HEPHL1: variants seen among roughly 807,000 people sequenced by gnomAD.
HEPHL1 encodes hephaestin like 1.
HEPHL1 carries 123 observed loss-of-function variants against 122.0 expected under a neutral mutation model. The ratio of observed to expected loss-of-function variants is 1.01; its 90% CI spans 0.87 to 1.17. The LOEUF (loss-of-function observed/expected upper bound fraction) is 1.17, where lower values mean the gene tolerates loss of function less well. HEPHL1 is among the 50% of genes most tolerant of loss of function. HEPHL1 has a pLI of 0.00. For missense variants in HEPHL1, 1,452 were observed against 1,430.5 expected, an observed-to-expected ratio of 1.01 and a Z score of -0.24; for synonymous variants, 527 against 508.9, an observed-to-expected ratio of 1.04 and a Z score of -0.48.
chr11:94,104,615 G>C lies in HEPHL1; in HGVS notation c.2770G>C (p.Glu924Gln). Reference sequence around the variant, plus strand: ...GGGAAGAAGAAGTGACGTTGATTATGAATTTGCTCTCTTGTTTTTGGTATT... The same window carrying C: ...GGGAAGAAGAAGTGACGTTGATTATCAATTTGCTCTCTTGTTTTTGGTATT... ...EKGRRSDVDYEFALLFLVFNE... is the reference protein window; with the variant it reads ...EKGRRSDVDYQFALLFLVFNE... The change falls in exon 16 of 20, where the codon GAA (glutamate) becomes CAA (glutamine). Residue 924 changes from glutamate (E) to glutamine (Q), a missense_variant. By Grantham distance (29) the Glu-to-Gln change is conservative (BLOSUM62 2). Transcript: ENST00000315765. 3 of 1,613,896 alleles carry C rather than the reference G, an allele frequency of 1.9e-6. No individual in the cohort carries two copies. The highest frequency in any genetic ancestry group is 2.5e-6 in the Non-Finnish European group (3 of 1,179,806).
Position 94,072,880 on chromosome 11 carries a change from TG to T in HEPHL1, c.1233-142del. 4.4e-6 allele frequency: 3 copies of T among 689,584 alleles called. No individual in the cohort carries two copies. In the South Asian group the frequency reaches 6.1e-5, roughly 14 times the overall value. The allele number at this position is 689,584 out of a possible 1,614,324, so 42.7% of individuals were successfully genotyped here. ...ACTTTTAGGGCTGGTTAACTATTCC[TG>T]GGAACTCTGTCAAGGCCTGTGCTGT... On this transcript the variant is annotated intron_variant, in intron 6 of 19. Coordinates refer to ENST00000315765, the MANE Select transcript of HEPHL1 (RefSeq NM_001098672.2).
chr11:94,067,778 A>T, intron 5 of HEPHL1, 28 bp downstream of exon 5: 3 of 1,607,878 alleles, frequency 1.9e-6, no homozygotes, highest in Non-Finnish European at 2.6e-6. Flanking sequence ...CAGAGTTGAT[A>T]TGTTTAGAAT....
At chr11:94,104,852 T>A in intron 16 of HEPHL1, 102 bp downstream of exon 16, 1 of 887,504 alleles carries the variant, frequency 1.1e-6, no homozygotes, top group Non-Finnish European at 1.8e-6. Context: ...CTTTCCTCCT[T>A]CCCAGGGGCA....
intron 1 of HEPHL1, among the ~76,000 whole-genome samples, chr11:94,029,832 C>G (rs916630225): frequency 6.6e-6 from 1 of 152,216 alleles, no homozygotes; most frequent in South Asian, 2.1e-4. Context: ...TTCACTGCCC[C>G]TCCTGATACT....
chr11:94,054,277 T>C (rs145441220), intron 2 of HEPHL1, among the ~76,000 whole-genome samples: 27 of 152,292 alleles, frequency 1.8e-4, no homozygotes, highest in African/African-American at 4.6e-4. Context: ...TGGAATTCCA[T>C]TGGATATTTG....
chr11:94,045,780 A>G lies in HEPHL1; in HGVS notation c.278A>G (p.Lys93Arg), dbSNP rs1325050063. 4 of 1,613,948 alleles carry G rather than the reference A, an allele frequency of 2.5e-6. No homozygotes were observed. The African/African-American group carries it at 4.0e-5, about 16-fold the overall frequency. Residue 93 changes from lysine (K) to arginine (R), a missense_variant, in exon 2 of 20, where the codon AAA (lysine) becomes AGA (arginine). Lys to Arg is a conservative substitution (Grantham distance 26, BLOSUM62 2). Coordinates refer to ENST00000315765, the MANE Select transcript of HEPHL1 (RefSeq NM_001098672.2). The stretch of plus-strand genomic sequence containing the variant: ...GGAACCTACTCCATAGAGATCCCCA[A>G]ACCTCCCTGGCTTGGATTCCTGGGC... ...TDGTYSIEIP[K>R]PPWLGFLGPI...
In HEPHL1 at chr11:94,111,102, C is replaced by T. The variant is rs370000226; in HGVS notation, c.3208+37C>T. Reference sequence around the variant, plus strand: ...TGTCAGTGATGCCAGATGATGGCACCGAGCTTCCTGTAGACCCCCAAAACA... The same window carrying T: ...TGTCAGTGATGCCAGATGATGGCACTGAGCTTCCTGTAGACCCCCAAAACA... On this transcript the variant is annotated intron_variant, in intron 18 of 19. Coordinates refer to ENST00000315765, the MANE Select transcript of HEPHL1 (RefSeq NM_001098672.2). 86 of 1,525,416 alleles carry T rather than the reference C, an allele frequency of 5.6e-5. No homozygotes were observed. In the Admixed American group the frequency reaches 7.6e-4, roughly 13 times the overall value. 94.5% of individuals were successfully genotyped at this position (1,525,416 alleles called of 1,614,324 possible).
rs368653204 is a variant in HEPHL1 at position 94,034,055 on chromosome 11, C to A, written c.171-11618C>A. ...AAATGCTGAAAGGACATGGTGTGTA[C>A]CAAGAAGAGAGTGTCTGATCTGGCA... is the stretch of plus-strand genomic sequence containing the variant. On this transcript the variant is annotated intron_variant, in intron 1 of 19. Transcript: ENST00000315765. Among the ~76,000 whole-genome samples the A allele has an allele frequency of 2.0e-5, 3 of 152,176 alleles. No homozygotes were observed. In the East Asian group the frequency reaches 5.8e-4, roughly 29 times the overall value.
intron 2 of HEPHL1, among the ~76,000 whole-genome samples, chr11:94,054,513 A>G (rs1945919028): frequency 6.6e-6 from 1 of 152,238 alleles, no homozygotes; most frequent in African/African-American, 2.4e-5. Flanking sequence ...AGTAAGAGAC[A>G]GACCACTTTC....
intron 1 of HEPHL1, among the ~76,000 whole-genome samples, chr11:94,037,372 T>TC (rs1489763793): frequency 1.3e-5 from 2 of 151,712 alleles, no homozygotes; most frequent in East Asian, 3.9e-4. Flanking sequence ...CCACCACAGC[T>TC]CAAGGAGGCC....
intron 2 of HEPHL1, among the ~76,000 whole-genome samples, chr11:94,056,126 C>T (rs1260655163): frequency 6.6e-6 from 1 of 152,112 alleles, no homozygotes; most frequent in Non-Finnish European, 1.5e-5. Context: ...TTTATCGCGA[C>T]AAAATATCTT....
At chr11:94,027,689 T>A (rs1401605321) in intron 1 of HEPHL1, among the ~76,000 whole-genome samples, 1 of 152,170 alleles carries the variant, frequency 6.6e-6, no homozygotes, top group Non-Finnish European at 1.5e-5. Context: ...AACCAGCAAG[T>A]GAGAGAGTTG....
At chr11:94,085,799 T>C (rs1393741676) in intron 10 of HEPHL1, among the ~76,000 whole-genome samples, 178 bp from the exon 11 acceptor site, 1 of 152,252 alleles carries the variant, frequency 6.6e-6, no homozygotes, top group Non-Finnish European at 1.5e-5. Context: ...AATTTCCTTA[T>C]ATTTTCATTA....
At position 94,064,239 on chromosome 11, in the gene HEPHL1, C is replaced by A. The variant is rs1211229884; in HGVS notation, c.629-92C>A. ...TTATCCTTGTAGGTATAGGTCTTCA[C>A]CAAACTTCACACTTGCCTGACACTA... On this transcript the variant is annotated intron_variant, in intron 3 of 19. Coordinates refer to ENST00000315765, the MANE Select transcript of HEPHL1 (RefSeq NM_001098672.2). 4 of 963,428 alleles carry A rather than the reference C, an allele frequency of 4.2e-6. No individual in the cohort carries two copies. The East Asian group carries it at 7.4e-5, about 18-fold the overall frequency. The allele number at this position is 963,428 out of a possible 1,614,324, so 59.7% of individuals were successfully genotyped here.
At chr11:94,101,439 T>G (rs1946366608) in intron 14 of HEPHL1, 104 bp downstream of exon 14, 4 of 1,158,652 alleles carry the variant, frequency 3.5e-6, no homozygotes, top group Non-Finnish European at 4.9e-6. Context: ...TGTCAATGTG[T>G]TTCAGCCATC....
intron 1 of HEPHL1, among the ~76,000 whole-genome samples, chr11:94,034,420 G>A (rs1945703018): frequency 6.6e-6 from 1 of 152,214 alleles, no homozygotes; most frequent in South Asian, 2.1e-4. Context: ...AGGAGTGCCT[G>A]AGTCACTGTA....
intron 2 of HEPHL1, among the ~76,000 whole-genome samples, chr11:94,052,941 T>C (rs1409085516): frequency 9.2e-5 from 14 of 152,122 alleles, no homozygotes; most frequent in Admixed American, 2.6e-4. Context: ...AGTTTTCTTG[T>C]GATGTTTGTA....
At chr11:94,085,216 G>A (rs957791444) in intron 10 of HEPHL1, among the ~76,000 whole-genome samples, 2 of 152,158 alleles carry the variant, frequency 1.3e-5, no homozygotes, top group Non-Finnish European at 1.5e-5. Context: ...TTCTTGTCAA[G>A]GCACTTTTTC....
intron 2 of HEPHL1, among the ~76,000 whole-genome samples, chr11:94,056,674 T>C (rs977610598): frequency 1.8e-4 from 28 of 151,912 alleles, no homozygotes; most frequent in South Asian, 4.2e-4. Context: ...TCTATCTATC[T>C]ATCTATCTAT....
Sources: gnomAD v4.1 joint callset for allele counts (sites outside exome capture counted in the v4.1 genomes callset) on GRCh38, gnomAD v4.1.1 for gene constraint, MANE v1.5 for transcripts, NCBI Gene and HGNC (gene_info 2026-07-23, HGNC 2026-07-21) for gene names.